DCHS2: variants seen among roughly 807,000 people sequenced by gnomAD.
DCHS2 encodes the protein protocadherin-23.
In DCHS2, 142 loss-of-function variants were observed where a neutral mutation model predicts 182.4. That is an observed-to-expected ratio of 0.78 (90% CI 0.68 to 0.89). The LOEUF is 0.89. Among genes scored for constraint, DCHS2 ranks in the 40% least tolerant of loss-of-function variants. The probability of loss-of-function intolerance (pLI) is 0.00; values close to 1 mark genes in which losing one functional copy is unlikely to be tolerated. For synonymous variants in DCHS2, 1,740 were observed against 1,663.3 expected, an observed-to-expected ratio of 1.05 and a Z score of -1.12; for missense variants, 4,319 against 4,198.6, an observed-to-expected ratio of 1.03 and a Z score of -0.79.
At chr4:154,351,641 C>G (rs11941730) in intron 3 of DCHS2, among the ~76,000 whole-genome samples, 2,717 of 152,240 alleles carry the variant, frequency 0.018, 38 homozygotes, top group Middle Eastern at 0.044. Flanking sequence ...TTCCACAGGA[C>G]AGGGCTGGCG....
At position 154,491,202 on chromosome 4, in the gene DCHS2, C is replaced by A. The variant is rs1205014760; in HGVS notation, c.154G>T (p.Val52Leu). 3.2e-6 allele frequency: 5 copies of A among 1,551,344 alleles called. No homozygotes were observed. The highest frequency in any genetic ancestry group is 3.5e-6 in the Non-Finnish European group (4 of 1,146,964). ...RTQRSLLWLL[V>L]HVWLWAASGS... ...GAGGCCGCCCACAGCCACACGTGCA[C>A]CAAGAGCCAGAGCAGGGAGCGCTGC... The change falls in exon 1 of 20, where the codon GTG (valine) becomes TTG (leucine). Residue 52 changes from valine to leucine, a missense_variant. By Grantham distance (32) the Val-to-Leu change is conservative (BLOSUM62 1). Transcript: ENST00000357232.
intron 17 of DCHS2, 131 bp downstream of exon 17, chr4:154,242,508 TGAA>T: frequency 7.7e-7 from 1 of 1,304,182 alleles, no homozygotes; most frequent in Non-Finnish European, 1.0e-6. Context: ...TTCTGCAAAA[TGAA>T]GACAAAAATG....
Position 154,235,616 on chromosome 4 carries a change from T to C in DCHS2, c.9036A>G (p.Leu3012=), listed in dbSNP as rs1246803424. The C allele has an allele frequency of 1.9e-6, 3 of 1,613,940 alleles. No homozygotes were observed. Among genetic ancestry groups the C allele is most frequent in the Non-Finnish European group, 2.5e-6 (3 of 1,179,932 alleles). The change falls in exon 20 of 20, where the codon CTA becomes CTG. Residue 3012 remains leucine (L), a synonymous_variant. Transcript: ENST00000357232. ...FLVFLILICI[L]IVMILRHKQK... Reference sequence around the variant, plus strand: ...GTTTATGTCTTAAAATCATTACAATTAGAATGCAGATGAGTATCAGAAACA... The same window carrying C: ...GTTTATGTCTTAAAATCATTACAATCAGAATGCAGATGAGTATCAGAAACA...
chr4:154,406,037 G>A (rs1162966330), intron 1 of DCHS2, among the ~76,000 whole-genome samples: 1 of 152,194 alleles, frequency 6.6e-6, no homozygotes, highest in Non-Finnish European at 1.5e-5. Context: ...GTTGTACAGC[G>A]AATCTCTTCA....
At chr4:154,280,012 G>A (rs182113148) in intron 13 of DCHS2, among the ~76,000 whole-genome samples, 209 of 149,226 alleles carry the variant, frequency 1.4e-3, no homozygotes, top group Admixed American at 2.1e-3. Flanking sequence ...GAGAGAGAGA[G>A]AAAAAAATGA....
At chr4:154,459,734 TTCTCTCTCTC>T (rs60259256) in intron 1 of DCHS2, among the ~76,000 whole-genome samples, 26,951 of 135,066 alleles carry the variant, frequency 0.2, 2,956 homozygotes, top group Admixed American at 0.31. Flanking sequence ...TATCTACACA[TTCTCTCTCTC>T]TCTCTCTCTC....
At chr4:154,273,544 C>G (rs1419043279) in intron 13 of DCHS2, among the ~76,000 whole-genome samples, 1 of 151,996 alleles carries the variant, frequency 6.6e-6, no homozygotes, top group Non-Finnish European at 1.5e-5. Context: ...TCTCAGAAAT[C>G]ACCACTAAAT....
intron 1 of DCHS2, among the ~76,000 whole-genome samples, chr4:154,395,502 A>T (rs1381631942): frequency 7.2e-5 from 11 of 152,128 alleles, no homozygotes. Flanking sequence ...CCGCCATCAC[A>T]CTTGTGATCT....
Position 154,391,184 on chromosome 4 carries a change from AT to A in DCHS2, c.2053-13741del, listed in dbSNP as rs769954803. 1.9e-6 allele frequency: 3 copies of A among 1,612,874 alleles called. No individual in the cohort carries two copies. The East Asian group carries it at 6.7e-5, about 36-fold the overall frequency. ...CTTACCTCTGAGATTTCACAATGGA[AT>A]TTATTTTCACATACACCTCATATAC... On this transcript the variant is annotated intron_variant, in intron 1 of 19. Coordinates refer to ENST00000357232, the MANE Select transcript of DCHS2 (RefSeq NM_001358235.2).
At position 154,297,927 on chromosome 4, in the gene DCHS2, G is replaced by A. The variant is rs1735010723; in HGVS notation, c.6387C>T (p.His2129=). The part of the protein sequence containing the change: ...ARTTTGLLVI[H]MEGEDVKISF... ...AAATCTTTACATCTTCTCCTTCCATGTGAATGACCAAGAGACCCGTGGTTG... is the reference window on the plus strand; with the variant it reads ...AAATCTTTACATCTTCTCCTTCCATATGAATGACCAAGAGACCCGTGGTTG... Residue 2129 remains histidine (H), a synonymous_variant, in exon 13 of 20, where the codon CAC becomes CAT. Coordinates refer to ENST00000357232, the MANE Select transcript of DCHS2 (RefSeq NM_001358235.2). The A allele has an allele frequency of 1.2e-6, 2 of 1,614,078 alleles. No homozygotes were observed. The highest frequency in any genetic ancestry group is 8.5e-7 in the Non-Finnish European group (1 of 1,179,992).
intron 12 of DCHS2, among the ~76,000 whole-genome samples, chr4:154,301,991 A>G (rs1578937738): frequency 6.6e-6 from 1 of 152,332 alleles, no homozygotes; most frequent in East Asian, 1.9e-4. Flanking sequence ...ACAATCTAAT[A>G]TAATTTTCAA....
intron 10 of DCHS2, among the ~76,000 whole-genome samples, chr4:154,310,601 C>T (rs915283319): frequency 1.3e-5 from 2 of 152,182 alleles, no homozygotes; most frequent in Non-Finnish European, 2.9e-5. Flanking sequence ...CATCAGCATC[C>T]TTGAAAAGCA....
At chr4:154,461,139 A>G (rs1734993661) in intron 1 of DCHS2, among the ~76,000 whole-genome samples, 1 of 152,204 alleles carries the variant, frequency 6.6e-6, no homozygotes, top group African/African-American at 2.4e-5. Flanking sequence ...AGCCCTTTCC[A>G]ATCCTAGGCC....
In DCHS2 at chr4:154,235,551, G is replaced by A. The variant is rs762088782; in HGVS notation, c.9101C>T (p.Ser3034Leu). ...CACTCTCAAGTCCGCATCTAAAGAT[G>A]AGGTTTTCTTCTCCTCATAATTGTT... ...TINNYEEKKT[S>L]SLDADLRVTR... The change falls in exon 20 of 20, where the codon TCA becomes TTA. Residue 3034 changes from serine (S) to leucine (L), a missense_variant. Physicochemically the swap from Ser to Leu is moderately radical, Grantham distance 145 (BLOSUM62 -2). Coordinates refer to ENST00000357232, the MANE Select transcript of DCHS2 (RefSeq NM_001358235.2). The A allele has an allele frequency of 6.2e-7, 1 of 1,614,050 alleles. No homozygotes were observed. The highest frequency in any genetic ancestry group is 8.5e-7 in the Non-Finnish European group (1 of 1,179,956).
In DCHS2 at chr4:154,236,434, C is replaced by A; in HGVS notation, c.8218G>T (p.Val2740Phe). The change falls in exon 20 of 20, where the codon GTC (valine) becomes TTC (phenylalanine). Residue 2740 changes from valine (V) to phenylalanine (F), a missense_variant. Physicochemically the swap from Val to Phe is conservative, Grantham distance 50. Transcript: ENST00000357232. ...TTCTTTTCTGCATCTGAAGCTTGGA[C>A]AGTTAAGGTGAATTTTGTCATTTTT... Reference protein sequence around the residue: ...YEKMTKFTLTVQASDAEKKHF... With the variant: ...YEKMTKFTLTFQASDAEKKHF... 1.2e-6 allele frequency: 2 copies of A among 1,614,078 alleles called. No individual in the cohort carries two copies. Among genetic ancestry groups the A allele is most frequent in the South Asian group, 1.1e-5 (1 of 91,082 alleles).
chr4:154,468,983 G>T (rs1468677467), intron 1 of DCHS2, among the ~76,000 whole-genome samples: 7 of 152,118 alleles, frequency 4.6e-5, no homozygotes, highest in African/African-American at 1.2e-4. Context: ...TAGCCTAATT[G>T]TGGTGATCAT....
chr4:154,428,035 A>G (rs1404634127), intron 1 of DCHS2, among the ~76,000 whole-genome samples: 4 of 152,182 alleles, frequency 2.6e-5, no homozygotes, highest in Non-Finnish European at 5.9e-5. Context: ...TGGTTCTTTG[A>G]ACTCAAACTC....
chr4:154,325,197 G>A (rs1006463200), intron 7 of DCHS2, among the ~76,000 whole-genome samples: 5 of 151,794 alleles, frequency 3.3e-5, no homozygotes, highest in South Asian at 2.1e-4. Context: ...CTTTTTCCCC[G>A]TAGAAAGTCA....
chr4:154,441,326 AATCAGC>A (rs1177948598), intron 1 of DCHS2, among the ~76,000 whole-genome samples: 2 of 152,212 alleles, frequency 1.3e-5, no homozygotes, highest in Non-Finnish European at 2.9e-5. Flanking sequence ...TAACATTCTG[AATCAGC>A]ATTTTGGGAA....
Sources: gnomAD v4.1 joint callset for allele counts (sites outside exome capture counted in the v4.1 genomes callset) on GRCh38, gnomAD v4.1.1 for gene constraint, MANE v1.5 for transcripts, NCBI Gene and HGNC (gene_info 2026-07-23, HGNC 2026-07-21) for gene names.